Variants in UBE2V2 observed in about 807,000 individuals in gnomAD.
UBE2V2 encodes ubiquitin conjugating enzyme E2 V2.
Under a neutral mutation model 17.2 loss-of-function variants are expected in UBE2V2, and 9 were observed. The ratio of observed to expected loss-of-function variants is 0.52; its 90% CI spans 0.32 to 0.91. UBE2V2 has a LOEUF of 0.91. UBE2V2 is among the 40% of genes least tolerant of loss of function. The pLI, the probability that UBE2V2 is intolerant of heterozygous loss-of-function variation, is 0.04. For missense variants in UBE2V2, 133 were observed against 182.6 expected (o/e 0.73, Z 1.56); for synonymous variants, 61 against 57.5 (o/e 1.06, Z -0.28).
chr8:48,042,170 A>G (rs1389513851), intron 1 of UBE2V2: 1 of 152,188 alleles, frequency 6.6e-6, no homozygotes, highest in Non-Finnish European at 1.5e-5. Context: ...TTCTTTATGT[A>G]TATAAGCCTA....
chr8:48,025,797 T>C (rs932104082), intron 1 of UBE2V2, among the ~76,000 whole-genome samples: 1 of 151,306 alleles, frequency 6.6e-6, no homozygotes, highest in Admixed American at 6.6e-5. Flanking sequence ...AGTCGGGGTT[T>C]CTCCGTGTTA....
upstream of UBE2V2, among the ~76,000 whole-genome samples, chr8:48,007,105 G>T (rs2091188735): frequency 1.3e-5 from 2 of 151,396 alleles, no homozygotes; most frequent in Admixed American, 6.6e-5. Context: ...AGCCAAGATG[G>T]TCTTGATCTT....
intron 1 of UBE2V2, among the ~76,000 whole-genome samples, chr8:48,040,953 C>A (rs1044528394): frequency 6.7e-6 from 1 of 149,196 alleles, no homozygotes; most frequent in Non-Finnish European, 1.5e-5. Flanking sequence ...CAAGCTCTGC[C>A]TCCTGGGTTC....
chr8:47,999,207 G>A, the UBE2V2 span, among the ~76,000 whole-genome samples: 1 of 151,992 alleles, frequency 6.6e-6, no homozygotes, highest in Non-Finnish European at 1.5e-5. Context: ...GGGGAGGGGT[G>A]GGCAGCACCA....
At chr8:48,059,544 G>T (rs1802556470) in intron 3 of UBE2V2, among the ~76,000 whole-genome samples, 1 of 152,020 alleles carries the variant, frequency 6.6e-6, no homozygotes, top group Non-Finnish European at 1.5e-5. Context: ...AAGTAGCTGG[G>T]AGTACAGGCA....
intron 1 of UBE2V2, among the ~76,000 whole-genome samples, chr8:48,014,561 T>C (rs959309591): frequency 2.0e-5 from 3 of 147,150 alleles, no homozygotes; most frequent in African/African-American, 7.6e-5. Flanking sequence ...AGGAGAATGG[T>C]GTGAACCTGG....
chr8:48,008,573 T>A, intron 1 of UBE2V2, 103 bp downstream of exon 1: 1 of 1,451,020 alleles, frequency 6.9e-7, no homozygotes, highest in Non-Finnish European at 9.1e-7. Context: ...GAAGCCCGAG[T>A]GCGCTGTCTC....
upstream of UBE2V2, among the ~76,000 whole-genome samples, chr8:48,004,451 T>A (rs1266203103): frequency 6.6e-6 from 1 of 152,074 alleles, no homozygotes; most frequent in Non-Finnish European, 1.5e-5. Flanking sequence ...GCTTGTCAAG[T>A]TACAGTGGCT....
chr8:48,002,792 T>C, the UBE2V2 span, among the ~76,000 whole-genome samples: 1 of 152,186 alleles, frequency 6.6e-6, no homozygotes, highest in African/African-American at 2.4e-5. Flanking sequence ...TTCTTGCAAA[T>C]GGCTGAGAAT....
chr8:48,036,439 A>C (rs1289426530), intron 1 of UBE2V2, among the ~76,000 whole-genome samples: 1 of 151,228 alleles, frequency 6.6e-6, no homozygotes, highest in Non-Finnish European at 1.5e-5. Flanking sequence ...ACTCAAAAAA[A>C]TATATATTTT....
intron 1 of UBE2V2, 157 bp from the exon 2 acceptor site, chr8:48,042,876 A>C: frequency 3.2e-6 from 2 of 632,734 alleles, no homozygotes; most frequent in Non-Finnish European, 4.8e-6. Context: ...AGGGGTTATT[A>C]GATTCAGCAT....
the UBE2V2 span, among the ~76,000 whole-genome samples, chr8:48,002,157 T>A: frequency 6.6e-6 from 1 of 152,114 alleles, no homozygotes; most frequent in Non-Finnish European, 1.5e-5. Context: ...GATCTAATAA[T>A]TAATTAAAGG....
rs369385585 is a variant in UBE2V2 at position 48,046,738 on chromosome 8, AG to A, written c.166-3111del. Among the ~76,000 whole-genome samples, 48 of 152,144 alleles carry A rather than the reference AG, an allele frequency of 3.2e-4. 2 individuals carry two copies. The East Asian group carries it at 7.2e-3, about 23-fold the overall frequency. On this transcript the variant is annotated intron_variant, in intron 2 of 3. Coordinates refer to ENST00000523111, the MANE Select transcript of UBE2V2 (RefSeq NM_003350.3). ...TAGCCTTCTGAGTAGCTGGGACTAT[AG>A]GGGTACACCACCATACCTGGCTAAT...
intron 1 of UBE2V2, among the ~76,000 whole-genome samples, chr8:48,024,099 A>G (rs1174339714): frequency 3.9e-5 from 6 of 152,212 alleles, no homozygotes; most frequent in African/African-American, 1.2e-4. Flanking sequence ...AGCTGTTTCA[A>G]ACCTTAGAAG....
chr8:48,031,867 C>T (rs1421779333), intron 1 of UBE2V2, among the ~76,000 whole-genome samples: 1 of 152,100 alleles, frequency 6.6e-6, no homozygotes, highest in Non-Finnish European at 1.5e-5. Flanking sequence ...AGGATGGTCT[C>T]AATCTCCTGA....
chr8:48,035,107 CTTTTTTTT>C (rs578114987), intron 1 of UBE2V2: 24 of 855,542 alleles, frequency 2.8e-5, no homozygotes, highest in Admixed American at 1.4e-4. Flanking sequence ...CCTATTTATT[CTTTTTTTT>C]TTTTTTTTTT....
chr8:48,014,460 A>C (rs1263338060), intron 1 of UBE2V2, among the ~76,000 whole-genome samples: 1 of 151,612 alleles, frequency 6.6e-6, no homozygotes, highest in African/African-American at 2.4e-5. Flanking sequence ...CCTGGCTAAC[A>C]CAGTGAAACC....
chr8:48,029,261 C>T (rs979404698), intron 1 of UBE2V2, among the ~76,000 whole-genome samples: 5 of 152,030 alleles, frequency 3.3e-5, no homozygotes, highest in African/African-American at 7.2e-5. Flanking sequence ...CCCAGAAGTT[C>T]GAGGTTGCAG....
intron 3 of UBE2V2, among the ~76,000 whole-genome samples, chr8:48,051,983 C>A (rs572724810): frequency 1.3e-5 from 2 of 152,174 alleles, no homozygotes; most frequent in Non-Finnish European, 2.9e-5. Flanking sequence ...AGCATTTAGT[C>A]CATTTACATT....
Sources: allele counts gnomAD v4.1 joint callset (sites outside exome capture counted in the v4.1 genomes callset), GRCh38; gene constraint gnomAD v4.1.1; transcripts MANE v1.5; gene names NCBI Gene and HGNC (gene_info 2026-07-23, HGNC 2026-07-21).